CUL5: variants seen among roughly 807,000 people sequenced by gnomAD.
CUL5 encodes cullin-5.
Under a neutral mutation model 108.8 loss-of-function variants are expected in CUL5, and 26 were observed. The ratio of observed to expected loss-of-function variants is 0.24; its 90% CI spans 0.18 to 0.33. The LOEUF (loss-of-function observed/expected upper bound fraction) is 0.33, where lower values mean the gene tolerates loss of function less well. Ranked by LOEUF, CUL5 falls within the 10% of genes least tolerant of loss-of-function variation. The pLI is 1.00. For synonymous variants in CUL5, 334 were observed against 298.0 expected, an observed-to-expected ratio of 1.12 and a Z score of -1.25; for missense variants, 524 against 909.2, an observed-to-expected ratio of 0.58 and a Z score of 5.45.
At position 108,095,622 on chromosome 11, in the gene CUL5, G is replaced by C; in HGVS notation, c.1836G>C (p.Glu612Asp). 1 of 1,614,086 alleles carries C rather than the reference G, an allele frequency of 6.2e-7. No homozygotes were observed. Among genetic ancestry groups the C allele is most frequent in the Non-Finnish European group, 8.5e-7 (1 of 1,179,970 alleles). Reference protein sequence around the residue: ...VLFAWNQRPREKISFENLKLA... With the variant: ...VLFAWNQRPRDKISFENLKLA... ...TTGCATGGAACCAAAGACCCAGAGAGAAAATCAGCTTTGAAAATCTTAAGC... is the reference window on the plus strand; with the variant it reads ...TTGCATGGAACCAAAGACCCAGAGACAAAATCAGCTTTGAAAATCTTAAGC... Residue 612 changes from glutamate to aspartate, a missense_variant, in exon 16 of 19, where the codon GAG becomes GAC. By Grantham distance (45) the Glu-to-Asp change is conservative (BLOSUM62 2). Coordinates refer to ENST00000393094, the MANE Select transcript of CUL5 (RefSeq NM_003478.6).
chr11:108,015,615 CAA>C (rs1300909724), intron 1 of CUL5, among the ~76,000 whole-genome samples: 1 of 152,054 alleles, frequency 6.6e-6, no homozygotes, highest in East Asian at 1.9e-4. Context: ...AGGGAGGAAA[CAA>C]ATTTCAAGGG....
At chr11:108,032,950 A>G (rs923981546) in intron 1 of CUL5, among the ~76,000 whole-genome samples, 2 of 152,194 alleles carry the variant, frequency 1.3e-5, no homozygotes, top group Non-Finnish European at 2.9e-5. Context: ...TACAGTCTCC[A>G]TATAAGACTA....
At chr11:108,072,771 A>G (rs549731344) in intron 9 of CUL5, among the ~76,000 whole-genome samples, 5 of 152,332 alleles carry the variant, frequency 3.3e-5, no homozygotes, top group Non-Finnish European at 4.4e-5. Flanking sequence ...TTTGATCATT[A>G]TAGTATATAC....
chr11:108,011,242 A>G (rs2135025864), intron 1 of CUL5, among the ~76,000 whole-genome samples: 1 of 152,324 alleles, frequency 6.6e-6, no homozygotes, highest in Non-Finnish European at 1.5e-5. Context: ...GATTGTTTGG[A>G]GGAGAAGCTA....
intron 1 of CUL5, among the ~76,000 whole-genome samples, chr11:108,024,521 G>A (rs1293717123): frequency 6.6e-6 from 1 of 152,198 alleles, no homozygotes; most frequent in East Asian, 1.9e-4. Context: ...GAACAGTACA[G>A]CACCTAACAT....
chr11:108,027,571 C>T (rs895032795), intron 1 of CUL5, among the ~76,000 whole-genome samples: 3 of 152,012 alleles, frequency 2.0e-5, no homozygotes, highest in African/African-American at 7.2e-5. Context: ...CGTGCCCAGC[C>T]AAATTTTTTG....
chr11:108,084,727 G>T (rs1383367214), intron 11 of CUL5, among the ~76,000 whole-genome samples: 2 of 152,162 alleles, frequency 1.3e-5, no homozygotes, highest in Non-Finnish European at 2.9e-5. Flanking sequence ...AGCACATAAG[G>T]ACTTTAATTA....
At position 108,098,388 on chromosome 11, in the gene CUL5, A is replaced by G; in HGVS notation, c.2025-18A>G. On this transcript the variant is annotated intron_variant, in intron 17 of 18. Transcript: ENST00000393094. ...AGTGTTTTTCACCATAAAATACTTG[A>G]TGCAATTCTTTTTGTAGAAAAAATG... The G allele has an allele frequency of 6.3e-7, 1 of 1,593,986 alleles. No homozygotes were observed. The highest frequency in any genetic ancestry group is 8.5e-7 in the Non-Finnish European group (1 of 1,172,236).
At chr11:108,083,962 G>A (rs377376049) in intron 11 of CUL5, among the ~76,000 whole-genome samples, 24 of 152,234 alleles carry the variant, frequency 1.6e-4, no homozygotes, top group South Asian at 6.2e-4. Context: ...GTAAACTTCC[G>A]TAAAACATTA....
chr11:108,104,123 T>G, intron 18 of CUL5, 67 bp from the exon 19 acceptor site: 2 of 1,067,464 alleles, frequency 1.9e-6, no homozygotes, highest in Non-Finnish European at 2.7e-6. Flanking sequence ...AAAAGTCATT[T>G]TTCAGTTTGT....
At chr11:108,037,132 A>C (rs1049469353) in intron 2 of CUL5, among the ~76,000 whole-genome samples, 5 of 152,106 alleles carry the variant, frequency 3.3e-5, no homozygotes, top group African/African-American at 9.7e-5. Context: ...AAAAACAAAA[A>C]CAGAGACATC....
chr11:108,052,926 CT>C (rs1333916473), intron 5 of CUL5, 125 bp downstream of exon 5: 11 of 702,458 alleles, frequency 1.6e-5, no homozygotes, highest in East Asian at 3.0e-5. Flanking sequence ...GTACTAGATA[CT>C]TTTTTTGAGA....
intron 7 of CUL5, among the ~76,000 whole-genome samples, chr11:108,058,245 C>CTTTTTTT (rs771714382): frequency 1.0e-5 from 1 of 100,116 alleles, no homozygotes; most frequent in African/African-American, 4.0e-5. Flanking sequence ...TGAAGAGTGC[C>CTTTTTTT]TTTTTTTTTT....
intron 7 of CUL5, among the ~76,000 whole-genome samples, chr11:108,055,352 A>G (rs1017752544): frequency 1.3e-5 from 2 of 152,198 alleles, no homozygotes; most frequent in Admixed American, 1.3e-4. Flanking sequence ...AGTGGCTGCA[A>G]ACACCAAATT....
intron 4 of CUL5, among the ~76,000 whole-genome samples, chr11:108,051,433 A>G (rs746673902): frequency 4.6e-5 from 7 of 152,224 alleles, no homozygotes; most frequent in Non-Finnish European, 8.8e-5. Context: ...CAGGTTTCAC[A>G]TATCTAAAGG....
At chr11:108,031,902 A>G (rs2135082750) in intron 1 of CUL5, among the ~76,000 whole-genome samples, 1 of 152,332 alleles carries the variant, frequency 6.6e-6, no homozygotes, top group South Asian at 2.1e-4. Context: ...CATTTTCCTT[A>G]GCAAACTAAT....
At chr11:108,037,456 A>G (rs1271689418) in intron 2 of CUL5, among the ~76,000 whole-genome samples, 4 of 152,184 alleles carry the variant, frequency 2.6e-5, no homozygotes, top group Admixed American at 2.0e-4. Flanking sequence ...GGGACTTACC[A>G]TGTAGTTGTA....
intron 7 of CUL5, among the ~76,000 whole-genome samples, chr11:108,061,545 T>C (rs902007942): frequency 9.2e-5 from 14 of 152,200 alleles, no homozygotes; most frequent in Non-Finnish European, 1.6e-4. Flanking sequence ...CCATACCCAG[T>C]CTTCCAGATT....
chr11:108,079,588 T>G (rs1383837534), intron 11 of CUL5, among the ~76,000 whole-genome samples: 1 of 152,194 alleles, frequency 6.6e-6, no homozygotes, highest in East Asian at 1.9e-4. Context: ...TTTATTGAAT[T>G]TAATGTTTAT....
Sources: allele counts gnomAD v4.1 joint callset (sites outside exome capture counted in the v4.1 genomes callset), GRCh38; gene constraint gnomAD v4.1.1; transcripts MANE v1.5; gene names NCBI Gene and HGNC (gene_info 2026-07-23, HGNC 2026-07-21).